Variants in CTNND2 observed in about 807,000 individuals in gnomAD.
CTNND2 encodes catenin delta-2.
Under a neutral mutation model 144.4 loss-of-function variants are expected in CTNND2, and 22 were observed. The ratio of observed to expected loss-of-function variants is 0.15; its 90% confidence interval spans 0.11 to 0.22. The LOEUF (loss-of-function observed/expected upper bound fraction) is 0.22. Ranked by LOEUF, CTNND2 falls within the 10% of genes least tolerant of loss-of-function variation. The pLI is 1.00. For synonymous variants in CTNND2, 751 were observed against 695.6 expected (o/e 1.08, Z -1.25); for missense variants, 1,353 against 1,618.8 (o/e 0.84, Z 2.82).
intron 1 of CTNND2, among the ~76,000 whole-genome samples, chr5:11,849,725 G>C (rs1794925174): frequency 6.6e-6 from 1 of 152,186 alleles, no homozygotes; most frequent in African/African-American, 2.4e-5. Flanking sequence ...TTGATGAAGT[G>C]TCCCGGATGA....
intron 3 of CTNND2, among the ~76,000 whole-genome samples, chr5:11,505,813 C>A (rs888997422): frequency 1.3e-5 from 2 of 152,154 alleles, no homozygotes; most frequent in African/African-American, 4.8e-5. Flanking sequence ...CACAACTCAG[C>A]AGCTCCTCAC....
intron 8 of CTNND2, among the ~76,000 whole-genome samples, chr5:11,361,385 G>C (rs1473240398): frequency 6.6e-6 from 1 of 152,066 alleles, no homozygotes; most frequent in Non-Finnish European, 1.5e-5. Flanking sequence ...TGAATTCCTG[G>C]GCTCAAGCGA....
Position 11,615,157 on chromosome 5 carries a change from GGTAATTGCAAAA to G in CTNND2, c.175-50113_175-50102del, listed in dbSNP as rs1780521041. Among the ~76,000 whole-genome samples the G allele has an allele frequency of 3.3e-5, 5 of 152,222 alleles. No individual in the cohort carries two copies. In the South Asian group the frequency reaches 1.0e-3, roughly 32 times the overall value. ...GACACATTTATTAGGTTGGTGCAAAGGTAATTGCAAAAGTAACTACTTACTTCCTGAGACATC... is the reference window on the plus strand; with the variant it reads ...GACACATTTATTAGGTTGGTGCAAAGGTAACTACTTACTTCCTGAGACATC... On this transcript the variant is annotated intron_variant, in intron 2 of 21. Transcript: ENST00000304623.
At chr5:11,837,365 T>C (rs762277085) in intron 1 of CTNND2, among the ~76,000 whole-genome samples, 4 of 152,210 alleles carry the variant, frequency 2.6e-5, no homozygotes, top group African/African-American at 4.8e-5. Flanking sequence ...ACATGGATGA[T>C]TGTTTGAAAA....
intron 3 of CTNND2, among the ~76,000 whole-genome samples, chr5:11,523,798 C>T (rs1044698030): frequency 2.6e-5 from 4 of 152,152 alleles, no homozygotes; most frequent in African/African-American, 4.8e-5. Context: ...GCCAGTCCTA[C>T]TCACTGGTGC....
chr5:11,152,572 T>C (rs910735986), intron 12 of CTNND2, among the ~76,000 whole-genome samples: 6 of 152,182 alleles, frequency 3.9e-5, no homozygotes, highest in Middle Eastern at 3.2e-3. Context: ...CATGCATGAC[T>C]GTATAAAGCA....
chr5:11,512,889 T>C (rs185650797), intron 3 of CTNND2, among the ~76,000 whole-genome samples: 1 of 152,296 alleles, frequency 6.6e-6, no homozygotes, highest in East Asian at 1.9e-4. Context: ...GCTCCCAAAC[T>C]ACACATCCAC....
chr5:11,293,518 T>G (rs536816124), intron 9 of CTNND2, among the ~76,000 whole-genome samples: 1 of 152,268 alleles, frequency 6.6e-6, no homozygotes, highest in East Asian at 1.9e-4. Context: ...ACTGTTTCTT[T>G]TATAATGCAA....
intron 17 of CTNND2, among the ~76,000 whole-genome samples, chr5:11,020,907 G>A (rs991628043): frequency 1.1e-4 from 16 of 152,196 alleles, no homozygotes; most frequent in Non-Finnish European, 1.3e-4. Flanking sequence ...CAGAATGAGC[G>A]CCTATTCTAT....
At chr5:10,992,967 T>C (rs552943153) in intron 18 of CTNND2, among the ~76,000 whole-genome samples, 1 of 152,222 alleles carries the variant, frequency 6.6e-6, no homozygotes, top group Admixed American at 6.5e-5. Flanking sequence ...TCGATGAAAA[T>C]ACGATGCTCA....
chr5:11,640,346 C>A lies in CTNND2; in HGVS notation c.175-75290G>T, dbSNP rs573978460. On this transcript the variant is annotated intron_variant, in intron 2 of 21. Coordinates refer to ENST00000304623, the MANE Select transcript of CTNND2 (RefSeq NM_001332.4). ...TGCATTACAGCTTATGCAAGGTTCA[C>A]TGAATGAATAGAATCGCCTTGGTAT... Among the ~76,000 whole-genome samples, 28 of 152,306 alleles carry A rather than the reference C, an allele frequency of 1.8e-4. No homozygotes were observed. The South Asian group carries it at 5.0e-3, about 27-fold the overall frequency.
intron 1 of CTNND2, among the ~76,000 whole-genome samples, chr5:11,882,318 T>C (rs1736180163): frequency 6.6e-6 from 1 of 152,104 alleles, no homozygotes; most frequent in Non-Finnish European, 1.5e-5. Flanking sequence ...CATACAGCAT[T>C]TCACCAATGT....
At chr5:11,593,966 G>GT (rs1251485465) in intron 2 of CTNND2, among the ~76,000 whole-genome samples, 1 of 152,194 alleles carries the variant, frequency 6.6e-6, no homozygotes, top group South Asian at 2.1e-4. Context: ...TCATAAAACT[G>GT]TAAGTGGGAA....
intron 12 of CTNND2, among the ~76,000 whole-genome samples, chr5:11,135,875 T>A (rs1756095966): frequency 1.3e-5 from 2 of 152,340 alleles, no homozygotes; most frequent in East Asian, 1.9e-4. Flanking sequence ...GCCCTTGCTC[T>A]CCATCTGGTT....
intron 12 of CTNND2, among the ~76,000 whole-genome samples, chr5:11,151,385 GA>G (rs1757745940): frequency 6.6e-6 from 1 of 152,188 alleles, no homozygotes; most frequent in African/African-American, 2.4e-5. Context: ...TTTAAAGAAT[GA>G]ACCAGCTTTT....
intron 2 of CTNND2, among the ~76,000 whole-genome samples, chr5:11,638,621 T>C (rs1781833019): frequency 6.6e-6 from 1 of 152,218 alleles, no homozygotes; most frequent in South Asian, 2.1e-4. Flanking sequence ...TCACCCAGGC[T>C]GAAGTGCAGT....
chr5:11,386,298 G>C (rs1281790281), intron 6 of CTNND2, among the ~76,000 whole-genome samples: 1 of 152,158 alleles, frequency 6.6e-6, no homozygotes, highest in Non-Finnish European at 1.5e-5. Flanking sequence ...GGAGGGATTT[G>C]AAATGAGGGA....
At chr5:11,751,984 A>T (rs1337415477) in intron 1 of CTNND2, among the ~76,000 whole-genome samples, 2 of 151,726 alleles carry the variant, frequency 1.3e-5, no homozygotes, top group African/African-American at 2.4e-5. Flanking sequence ...GTACTTTTTC[A>T]TAAATTGTTG....
intron 3 of CTNND2, among the ~76,000 whole-genome samples, chr5:11,444,998 G>A (rs923787725): frequency 6.6e-6 from 1 of 152,172 alleles, no homozygotes; most frequent in African/African-American, 2.4e-5. Flanking sequence ...AGAGGAAACT[G>A]CCTCAGTTTC....
Sources: allele counts gnomAD v4.1 joint callset (sites outside exome capture counted in the v4.1 genomes callset), GRCh38; gene constraint gnomAD v4.1.1; transcripts MANE v1.5; gene names NCBI Gene and HGNC (gene_info 2026-07-23, HGNC 2026-07-21).